PRPSAP1: variants seen among roughly 807,000 people sequenced by gnomAD.
PRPSAP1 encodes the protein phosphoribosyl pyrophosphate synthase-associated protein 1.
A neutral mutation model predicts 39.4 loss-of-function variants in PRPSAP1; 31 were observed. That is an observed-to-expected ratio of 0.79 (90% confidence interval 0.59 to 1.06). The LOEUF (loss-of-function observed/expected upper bound fraction) is 1.06. PRPSAP1 is among the 50% of genes least tolerant of loss of function. The probability of loss-of-function intolerance (pLI) is 0.00; values close to 1 mark genes in which losing one functional copy is unlikely to be tolerated. For synonymous variants in PRPSAP1, 212 were observed against 192.6 expected, an observed-to-expected ratio of 1.10 and a Z score of -0.83; for missense variants, 430 against 511.6, an observed-to-expected ratio of 0.84 and a Z score of 1.54.
intron 7 of PRPSAP1, among the ~76,000 whole-genome samples, chr17:76,324,923 C>A (rs1405557618): frequency 1.3e-5 from 2 of 149,960 alleles, no homozygotes; most frequent in Non-Finnish European, 3.0e-5. Context: ...AAAAAATTAG[C>A]CAGGTGTGGT....
At chr17:76,321,658 C>T (rs1416911246) in intron 7 of PRPSAP1, among the ~76,000 whole-genome samples, 1 of 152,132 alleles carries the variant, frequency 6.6e-6, no homozygotes, top group African/African-American at 2.4e-5. Context: ...AGGCCAATAA[C>T]CCTACAATGG....
At chr17:76,317,471 C>T (rs1431086124) in intron 7 of PRPSAP1, among the ~76,000 whole-genome samples, 4 of 152,146 alleles carry the variant, frequency 2.6e-5, no homozygotes, top group Non-Finnish European at 5.9e-5. Flanking sequence ...ATGCAGTGGG[C>T]TGAGATCGCC....
At chr17:76,326,905 G>A (rs926284777) in intron 7 of PRPSAP1, among the ~76,000 whole-genome samples, 3 of 151,514 alleles carry the variant, frequency 2.0e-5, no homozygotes, top group African/African-American at 4.8e-5. Flanking sequence ...GGGACATTAC[G>A]TCTGCAACTC....
rs1366150074 is a variant in PRPSAP1 at position 76,311,372 on chromosome 17, T to C, written c.*170A>G. On this transcript the variant is annotated 3_prime_UTR_variant, in exon 10 of 10. Transcript: ENST00000446526. ...TGTTATGATATTTATCCATTAGCTC[T>C]GTCTTCTTCCTGACTCTTTTAATCC... 1 of 649,986 alleles carries C rather than the reference T, an allele frequency of 1.5e-6. No individual in the cohort carries two copies. Among genetic ancestry groups the C allele is most frequent in the African/African-American group, 1.9e-5 (1 of 53,720 alleles). 40.3% of individuals were successfully genotyped at this position (649,986 alleles called of 1,614,324 possible). A position where few individuals can be genotyped will look rare whatever the true frequency, so the allele number is the denominator to read the frequency against.
At chr17:76,321,508 C>T (rs1468838185) in intron 7 of PRPSAP1, among the ~76,000 whole-genome samples, 1 of 152,032 alleles carries the variant, frequency 6.6e-6, no homozygotes, top group African/African-American at 2.4e-5. Context: ...GAGTGAAACT[C>T]TGTCACACAC....
At chr17:76,321,003 GA>G (rs1453578484) in intron 7 of PRPSAP1, among the ~76,000 whole-genome samples, 1 of 151,646 alleles carries the variant, frequency 6.6e-6, no homozygotes, top group Non-Finnish European at 1.5e-5. Flanking sequence ...GGCTAGTCTC[GA>G]ACTCCTGGGC....
At chr17:76,322,695 T>C (rs116814214) in intron 7 of PRPSAP1, among the ~76,000 whole-genome samples, 1,768 of 152,050 alleles carry the variant, frequency 0.012, 35 homozygotes, top group African/African-American at 0.04. Context: ...TTCTAAAAAT[T>C]AGCTGGGTGC....
intron 8 of PRPSAP1, 149 bp from the exon 9 acceptor site, chr17:76,313,165 A>T: frequency 9.5e-7 from 1 of 1,056,670 alleles, no homozygotes; most frequent in Non-Finnish European, 1.3e-6. Context: ...AAGAACGAGC[A>T]TCCAGAAATG....
At position 76,353,700 on chromosome 17, in the gene PRPSAP1, G is replaced by A. The variant is rs1333651487; in HGVS notation, c.4C>T (p.Pro2Ser). 2 of 1,472,066 alleles carry A rather than the reference G, an allele frequency of 1.4e-6. No individual in the cohort carries two copies. Among genetic ancestry groups the A allele is most frequent in the Non-Finnish European group, 1.8e-6 (2 of 1,118,466 alleles). 91.2% of individuals were successfully genotyped at this position (1,472,066 alleles called of 1,614,324 possible). The change falls in exon 1 of 10, where the codon CCC becomes TCC. Residue 2 changes from proline (P) to serine (S), a missense_variant. Transcript: ENST00000446526. Reference sequence around the variant, plus strand: ...GGGGGCAACAGCAGCAGCTTCTTGGGCATCGTCCGGCCCGCGGCGCGGTTA... The same window carrying A: ...GGGGGCAACAGCAGCAGCTTCTTGGACATCGTCCGGCCCGCGGCGCGGTTA... M[P>S]KKLLLLPPPS...
intron 1 of PRPSAP1, among the ~76,000 whole-genome samples, chr17:76,349,173 G>A (rs917494737): frequency 1.1e-4 from 16 of 151,914 alleles, no homozygotes; most frequent in African/African-American, 3.6e-4. Context: ...GCATGGTGGA[G>A]CATGCCTGTA....
intron 1 of PRPSAP1, among the ~76,000 whole-genome samples, chr17:76,350,954 T>G (rs1027377604): frequency 6.6e-6 from 1 of 151,066 alleles, no homozygotes; most frequent in Admixed American, 6.6e-5. Context: ...TCACTTGAAC[T>G]CGGGAGGCGG....
chr17:76,312,299 T>G (rs1416897085), intron 9 of PRPSAP1, among the ~76,000 whole-genome samples: 1 of 151,968 alleles, frequency 6.6e-6, no homozygotes, highest in Admixed American at 6.6e-5. Context: ...AAATTAGGCC[T>G]GGTGGCCGGC....
At chr17:76,351,330 C>A (rs1300388245) in intron 1 of PRPSAP1, among the ~76,000 whole-genome samples, 1 of 152,086 alleles carries the variant, frequency 6.6e-6, no homozygotes, top group African/African-American at 2.4e-5. Context: ...ACCTGGCTAA[C>A]ACAGTGAAAC....
At chr17:76,330,517 G>T in intron 5 of PRPSAP1, 34 bp downstream of exon 5, 1 of 1,450,048 alleles carries the variant, frequency 6.9e-7, no homozygotes, top group Non-Finnish European at 9.5e-7. Flanking sequence ...GATCTCTTTT[G>T]AGGACAATGG....
chr17:76,354,135 T>C (rs185180882), upstream of PRPSAP1: 3,143 of 999,160 alleles, frequency 3.1e-3, 6 homozygotes, highest in Non-Finnish European at 3.4e-3. Flanking sequence ...TGGCCCCAGG[T>C]GTTTCCAACT....
intron 3 of PRPSAP1, among the ~76,000 whole-genome samples, chr17:76,344,073 C>G (rs2071469411): frequency 6.6e-6 from 1 of 151,416 alleles, no homozygotes; most frequent in African/African-American, 2.4e-5. Context: ...GCCTCTCAAA[C>G]AGCTGGACTA....
At chr17:76,352,416 C>T (rs376332127) in intron 1 of PRPSAP1, among the ~76,000 whole-genome samples, 5 of 152,106 alleles carry the variant, frequency 3.3e-5, no homozygotes, top group South Asian at 2.1e-4. Flanking sequence ...GAGGCCGAGG[C>T]GGGCGGATCA....
chr17:76,336,489 T>C (rs1056136288), intron 3 of PRPSAP1, among the ~76,000 whole-genome samples: 2 of 148,324 alleles, frequency 1.3e-5, no homozygotes, highest in African/African-American at 5.0e-5. Flanking sequence ...TCCCAGCACT[T>C]TGGGAGGCCG....
chr17:76,330,936 T>C (rs1374803409), intron 4 of PRPSAP1, among the ~76,000 whole-genome samples: 1 of 152,032 alleles, frequency 6.6e-6, no homozygotes, highest in Non-Finnish European at 1.5e-5. Context: ...AAAAGAATAA[T>C]GTGGCAGAAG....
Sources: allele counts gnomAD v4.1 joint callset (sites outside exome capture counted in the v4.1 genomes callset), GRCh38; gene constraint gnomAD v4.1.1; transcripts MANE v1.5; gene names NCBI Gene and HGNC (gene_info 2026-07-23, HGNC 2026-07-21).